The following MCTS2 variants were observed in gnomAD, a reference collection of about 807,000 sequenced individuals.
MCTS2 encodes the protein MCTS family member 2, also known as malignant T-cell-amplified sequence 2.
At chr20:31,547,484 C>A in the MCTS2 span, 1 of 636,708 alleles carries the variant, frequency 1.6e-6, no homozygotes, top group South Asian at 2.0e-5. Context: ...TCCCTGTTGT[C>A]GCCCGCTTCA....
the MCTS2 span, chr20:31,547,846 G>A: frequency 2.1e-6 from 2 of 949,160 alleles, no homozygotes; most frequent in South Asian, 2.6e-5. Context: ...TATGTGTCCA[G>A]GTTTAACTTC....
the MCTS2 span, chr20:31,547,535 T>C: frequency 1.2e-6 from 1 of 829,692 alleles, no homozygotes; most frequent in Non-Finnish European, 2.0e-6. Flanking sequence ...AAGGAAAGTG[T>C]GTCCAACTGC....
At chr20:31,547,853 C>A in the MCTS2 span, 1 of 960,818 alleles carries the variant, frequency 1.0e-6, no homozygotes. Flanking sequence ...CCAGGTTTAA[C>A]TTCTCCTGGA....
At chr20:31,547,929 T>C in the MCTS2 span, 1 of 1,273,816 alleles carries the variant, frequency 7.9e-7, no homozygotes, top group Non-Finnish European at 1.1e-6. Context: ...AACAGCATGC[T>C]CTGTGTGTTG....
the MCTS2 span, chr20:31,547,877 C>A: frequency 1.0e-6 from 1 of 1,003,202 alleles, no homozygotes; most frequent in Admixed American, 1.7e-5. Context: ...AAGCTGTACC[C>A]TGCTGCAGTA....
the MCTS2 span, chr20:31,547,923 G>A: frequency 8.1e-7 from 1 of 1,241,254 alleles, no homozygotes; most frequent in Non-Finnish European, 1.2e-6. Context: ...AAGGAAAACA[G>A]CATGCTCTGT....
chr20:31,547,703 A>G, the MCTS2 span: 1 of 1,328,326 alleles, frequency 7.5e-7, no homozygotes, highest in Non-Finnish European at 1.1e-6. Flanking sequence ...GTAAGTGGGG[A>G]ATTATTGTTT....
chr20:31,547,541 A>G, the MCTS2 span: 2 of 893,394 alleles, frequency 2.2e-6, no homozygotes, highest in African/African-American at 1.7e-5. Flanking sequence ...AGTGTGTCCA[A>G]CTGCATCCAG....
chr20:31,547,611 T>A, the MCTS2 span: 13 of 1,575,124 alleles, frequency 8.3e-6, no homozygotes, highest in Non-Finnish European at 1.1e-5. Flanking sequence ...TTCCAGGTAT[T>A]GAACCATGGC....
chr20:31,547,460 C>T, the MCTS2 span: 2 of 593,062 alleles, frequency 3.4e-6, no homozygotes, highest in Admixed American at 3.1e-5. Context: ...GGAGCCTTGC[C>T]AATTCCGTTT....
chr20:31,547,553 T>C, the MCTS2 span: 1 of 1,035,142 alleles, frequency 9.7e-7, no homozygotes. Flanking sequence ...TGCATCCAGT[T>C]GAAAACGTCA....
chr20:31,547,893 G>C, the MCTS2 span: 1 of 1,052,614 alleles, frequency 9.5e-7, no homozygotes, highest in Non-Finnish European at 1.5e-6. Flanking sequence ...CAGTAGATAC[G>C]ATTGTAGCAG....
the MCTS2 span, chr20:31,547,486 C>T: frequency 1.6e-6 from 1 of 642,714 alleles, no homozygotes; most frequent in Non-Finnish European, 2.7e-6. Context: ...CCTGTTGTCG[C>T]CCGCTTCACC....
chr20:31,547,442 A>T, the MCTS2 span: 4 of 536,186 alleles, frequency 7.5e-6, no homozygotes, highest in South Asian at 2.4e-5. Flanking sequence ...CCTGCAGGGG[A>T]CTCCACCGGA....
the MCTS2 span, chr20:31,547,907 C>A: frequency 8.8e-7 from 1 of 1,142,638 alleles, no homozygotes; most frequent in Non-Finnish European, 1.3e-6. Flanking sequence ...GTAGCAGTCA[C>A]AGCGGAAGGA....
At chr20:31,547,805 CTATCAAATTTGTACTCAGT>C in the MCTS2 span, 2 of 954,596 alleles carry the variant, frequency 2.1e-6, no homozygotes, top group South Asian at 2.6e-5. Context: ...GATAAAGGAG[CTATCAAATTTGTACTCAGT>C]GGCGCAAATA....
At chr20:31,547,394 G>A in the MCTS2 span, 1 of 430,436 alleles carries the variant, frequency 2.3e-6, no homozygotes, top group Non-Finnish European at 4.2e-6. Context: ...CAACGGCTCT[G>A]ACCGTCTGGC....
the MCTS2 span, chr20:31,547,708 T>C: frequency 3.1e-5 from 41 of 1,313,216 alleles, no homozygotes; most frequent in Admixed American, 8.7e-5. Context: ...TGGGGAATTA[T>C]TGTTTTTTAG....
the MCTS2 span, chr20:31,547,962 A>C: frequency 1.3e-6 from 2 of 1,513,920 alleles, no homozygotes; most frequent in Non-Finnish European, 1.8e-6. Context: ...TGTCTGCAGA[A>C]GATATTGAGA....
Sources: allele counts gnomAD v4.1 joint callset, GRCh38; gene constraint gnomAD v4.1.1; transcripts MANE v1.5; gene names NCBI Gene and HGNC (gene_info 2026-07-23, HGNC 2026-07-21).